Variants in OGG1 observed in about 807,000 individuals in gnomAD.
OGG1 encodes the protein N-glycosylase/DNA lyase.
A neutral mutation model predicts 42.3 loss-of-function variants in OGG1; 35 were observed. That is an observed-to-expected ratio of 0.83 (90% CI 0.63 to 1.10). The LOEUF is 1.10. Among genes scored for constraint, OGG1 ranks in the 50% least tolerant of loss-of-function variants. The pLI is 0.00. For synonymous variants in OGG1, 189 were observed against 179.0 expected, an observed-to-expected ratio of 1.06 and a Z score of -0.44; for missense variants, 484 against 446.7, an observed-to-expected ratio of 1.08 and a Z score of -0.75.
exon 8 of OGG1, chr3:9,766,181 T>G: frequency 1.2e-6 from 1 of 846,620 alleles, no homozygotes; most frequent in African/African-American, 1.7e-5. Context: ...CTGGAGCTAA[T>G]GGCGATCATC....
intron 7 of OGG1, among the ~76,000 whole-genome samples, chr3:9,765,390 C>T (rs2078107872): frequency 6.6e-6 from 1 of 152,084 alleles, no homozygotes; most frequent in South Asian, 2.1e-4. Flanking sequence ...AGCAGACAGT[C>T]ATTTTTAAAC....
chr3:9,769,941 T>G (rs1311042686), downstream of OGG1: 1 of 152,246 alleles, frequency 6.6e-6, no homozygotes. Context: ...GCGCTCTTGC[T>G]GGAGCTGGGG....
At chr3:9,768,492 G>A (rs2078217823), downstream of OGG1, among the ~76,000 whole-genome samples, 1 of 152,172 alleles carries the variant, frequency 6.6e-6, no homozygotes, top group Admixed American at 6.5e-5. Flanking sequence ...GGAGAGGGTG[G>A]GAGTTCTCTC....
chr3:9,766,560 T>A lies in OGG1; in HGVS notation c.*729T>A, dbSNP rs114348032. The A allele has an allele frequency of 8.3e-4, 586 of 706,450 alleles. 1 individual carries two copies. The African/African-American group carries it at 0.01, about 13-fold the overall frequency. The allele number at this position is 706,450 out of a possible 1,614,324, so 43.8% of individuals were successfully genotyped here. On this transcript the variant is annotated 3_prime_UTR_variant, in exon 8 of 8. Coordinates refer to the OGG1 transcript ENST00000302008. ...TAAATCAATCTGCAGTTTAACAAAA[T>A]CCTCAGGTGATTTGTATGCTCATTG...
chr3:9,786,579 T>G (rs569482179), intron 3 of OGG1, among the ~76,000 whole-genome samples: 1 of 152,318 alleles, frequency 6.6e-6, no homozygotes, highest in African/African-American at 2.4e-5. Context: ...AGCCTCAATC[T>G]TCTTATCTGT....
downstream of OGG1, among the ~76,000 whole-genome samples, chr3:9,790,308 T>C (rs1038040625): frequency 6.6e-6 from 1 of 152,214 alleles, no homozygotes; most frequent in African/African-American, 2.4e-5. Flanking sequence ...TCTCAATCAG[T>C]TACCCAGGTT....
At chr3:9,750,849 T>C in intron 1 of OGG1, 96 bp from the exon 2 acceptor site, 2 of 1,397,566 alleles carry the variant, frequency 1.4e-6, no homozygotes, top group Non-Finnish European at 1.0e-6. Flanking sequence ...TTACTTGTAT[T>C]AGTTTCGTAC....
chr3:9,787,541 T>A, intron 3 of OGG1: 1 of 983,676 alleles, frequency 1.0e-6, no homozygotes, highest in Non-Finnish European at 1.5e-6. Flanking sequence ...CAAAAAGAAC[T>A]AAGACACACA....
chr3:9,750,242 G>T lies in OGG1; in HGVS notation c.-45G>T, dbSNP rs56378321. Reference sequence around the variant, plus strand: ...GGTCTTTGGGCGTCGACGAGGCCTGGTTCTGGGTAGGCGGGGCTACTACGG... The same window carrying T: ...GGTCTTTGGGCGTCGACGAGGCCTGTTTCTGGGTAGGCGGGGCTACTACGG... On this transcript the variant is annotated 5_prime_UTR_variant, in exon 1 of 7. Coordinates refer to ENST00000344629, the MANE Select transcript of OGG1 (RefSeq NM_002542.6). 1.3e-6 allele frequency: 2 copies of T among 1,588,786 alleles called. No homozygotes were observed. Among genetic ancestry groups the T allele is most frequent in the South Asian group, 1.1e-5 (1 of 88,730 alleles).
exon 4 of OGG1, chr3:9,787,869 A>T: frequency 2.2e-6 from 1 of 456,306 alleles, no homozygotes; most frequent in Non-Finnish European, 4.0e-6. Flanking sequence ...CAGGGCCTTG[A>T]AGGGTGAGTC....
At chr3:9,782,141 G>A (rs1198226676) in intron 3 of OGG1, among the ~76,000 whole-genome samples, 1 of 152,008 alleles carries the variant, frequency 6.6e-6, no homozygotes, top group African/African-American at 2.4e-5. Flanking sequence ...CCCAGCTAGG[G>A]CCCACTACTT....
chr3:9,757,712 C>T (rs745547044), downstream of OGG1: 3 of 1,613,948 alleles, frequency 1.9e-6, no homozygotes, highest in African/African-American at 2.7e-5. The surrounding 1 kb of genome is among the most constrained non-coding windows in gnomAD (Gnocchi z 4.5). Context: ...TGCCCTTCTG[C>T]AGAGCCCGCT....
At position 9,779,616 on chromosome 3, in the gene OGG1, TGCACGTTG is replaced by T. The variant is rs2078414783; in HGVS notation, c.295-1896_295-1889del. Among the ~76,000 whole-genome samples the T allele has an allele frequency of 9.9e-5, 15 of 152,042 alleles. No homozygotes were observed. In the South Asian group the frequency reaches 2.9e-3, roughly 30 times the overall value. The stretch of plus-strand genomic sequence containing the variant: ...CACATGTATACATATGTAACAAACC[TGCACGTTG>T]TACACATGTACCCTAGAACTTAAAT... On this transcript the variant is annotated intron_variant, in intron 2 of 3. Coordinates refer to the OGG1 transcript ENST00000426518.
intron 7 of OGG1, among the ~76,000 whole-genome samples, chr3:9,762,522 A>G (rs979227159): frequency 6.6e-6 from 1 of 152,232 alleles, no homozygotes; most frequent in African/African-American, 2.4e-5. Flanking sequence ...GATTACAGGC[A>G]TCTGCCACCA....
At chr3:9,787,902 GGA>G (rs2078653931) in exon 4 of OGG1, 1 of 377,712 alleles carries the variant, frequency 2.6e-6, no homozygotes, top group South Asian at 2.1e-5. Context: ...GAGACAAGAG[GGA>G]GAGAAGAGCT....
At position 9,765,947 on chromosome 3, in the gene OGG1, C is replaced by T. The variant is rs1330854426; in HGVS notation, c.*116C>T. ...ACTGGAACCCCAGCTTCCCTCCAGC[C>T]TCTCCTCCATTCCCTATGGGTTCTG... On this transcript the variant is annotated 3_prime_UTR_variant, in exon 8 of 8. Transcript: ENST00000302008. 3.7e-6 allele frequency: 6 copies of T among 1,614,094 alleles called. No homozygotes were observed. The Admixed American group carries it at 1.0e-4, about 27-fold the overall frequency.
downstream of OGG1, chr3:9,761,746 C>G (rs757121601): frequency 6.2e-7 from 1 of 1,614,048 alleles, no homozygotes. Context: ...TGTAGTACAG[C>G]AGATTCTCTG....
downstream of OGG1, chr3:9,757,926 T>G: frequency 6.6e-7 from 1 of 1,518,134 alleles, no homozygotes; most frequent in Non-Finnish European, 8.8e-7. The surrounding 1 kb of genome is among the most constrained non-coding windows in gnomAD (Gnocchi z 4.5). Flanking sequence ...CGCAGTGGGA[T>G]TCTTGCAATT....
At chr3:9,776,490 C>T (rs377025946) in intron 2 of OGG1, among the ~76,000 whole-genome samples, 6 of 150,402 alleles carry the variant, frequency 4.0e-5, no homozygotes, top group East Asian at 2.0e-4. Flanking sequence ...CCCGGGTTCA[C>T]GCCATGCTCC....
Sources: gnomAD v4.1 joint callset for allele counts (sites outside exome capture counted in the v4.1 genomes callset) on GRCh38, gnomAD v4.1.1 for gene constraint, Gnocchi (gnomAD v3.1) non-coding constraint, MANE v1.5 for transcripts, NCBI Gene and HGNC (gene_info 2026-07-23, HGNC 2026-07-21) for gene names.